Variants in DSCAM observed in about 807,000 individuals in gnomAD.
The protein encoded by DSCAM is cell adhesion molecule DSCAM.
A neutral mutation model predicts 217.7 loss-of-function variants in DSCAM; 47 were observed. That is an observed-to-expected ratio of 0.22 (90% CI 0.17 to 0.28). DSCAM has a LOEUF of 0.28. DSCAM is among the 10% of genes least tolerant of loss of function. The pLI is 1.00. For missense variants in DSCAM, 2,080 were observed against 2,618.3 expected (o/e 0.79, Z 4.49); for synonymous variants, 1,056 against 1,015.3 (o/e 1.04, Z -0.76).
At chr21:40,383,714 T>C (rs1382011089) in intron 3 of DSCAM, 1 of 152,250 alleles carries the variant, frequency 6.6e-6, no homozygotes, top group Non-Finnish European at 1.5e-5. Flanking sequence ...GACTAGAATT[T>C]AATATTATTG....
Position 40,315,403 on chromosome 21 carries a change from C to CAA in DSCAM, c.1784-3046_1784-3045dup, listed in dbSNP as rs72266206. 0.019 allele frequency among the ~76,000 whole-genome samples: 2,280 copies of CAA among 121,246 alleles called. 149 individuals carry two copies. The East Asian group carries it at 0.25, about 13-fold the overall frequency. The allele number at this position is 121,246 out of a possible 152,430, so 79.5% of individuals were successfully genotyped here. A position where few individuals can be genotyped will look rare whatever the true frequency, so the allele number is the denominator to read the frequency against. On this transcript the variant is annotated intron_variant, in intron 8 of 32. Coordinates refer to ENST00000400454, the MANE Select transcript of DSCAM (RefSeq NM_001389.5). ...TGGGAGACAGAGCGAAACTCCGTCT[C>CAA]AAAAAAAAAAAAGGAAAACATAGAG...
chr21:40,807,569 C>T (rs1000698918), intron 1 of DSCAM, among the ~76,000 whole-genome samples: 3 of 152,198 alleles, frequency 2.0e-5, no homozygotes, highest in Non-Finnish European at 2.9e-5. Flanking sequence ...GAGTGCAATA[C>T]TCCTAGTTCT....
chr21:40,630,621 T>A (rs28398808), intron 3 of DSCAM: 30,598 of 151,926 alleles, frequency 0.2, 3,744 homozygotes, highest in Middle Eastern at 0.31. Context: ...TCTAAAAAAA[T>A]AAATAAATAA....
At chr21:40,068,092 G>C (rs2089237386) in intron 27 of DSCAM, among the ~76,000 whole-genome samples, 1 of 152,020 alleles carries the variant, frequency 6.6e-6, no homozygotes, top group Admixed American at 6.6e-5. Flanking sequence ...TGTTGGGCTG[G>C]GAAATGATGG....
chr21:40,744,942 T>C (rs773454740), intron 1 of DSCAM, among the ~76,000 whole-genome samples: 16 of 152,188 alleles, frequency 1.1e-4, no homozygotes, highest in Non-Finnish European at 1.9e-4. Context: ...TTGAGAAATT[T>C]AGCAAGTAAA....
At chr21:40,620,230 GAAAGAA>G (rs1471916834) in intron 3 of DSCAM, among the ~76,000 whole-genome samples, 17 of 35,786 alleles carry the variant, frequency 4.8e-4, no homozygotes, top group African/African-American at 1.8e-3. Flanking sequence ...AAAAGAAAAA[GAAAGAA>G]AGAGAGAGAA....
intron 3 of DSCAM, among the ~76,000 whole-genome samples, chr21:40,569,132 G>T (rs184690392): frequency 6.6e-6 from 1 of 152,174 alleles, no homozygotes; most frequent in Non-Finnish European, 1.5e-5. Flanking sequence ...CTGGCCCCAG[G>T]GTGCCTTGCT....
chr21:40,381,075 A>AAAAC (rs2123728987), intron 3 of DSCAM, among the ~76,000 whole-genome samples: 1 of 146,452 alleles, frequency 6.8e-6, no homozygotes, highest in African/African-American at 2.7e-5. Context: ...AAAAAAAAAA[A>AAAAC]AAAAAAAAAG....
chr21:40,067,110 C>T (rs1472281699), intron 27 of DSCAM, among the ~76,000 whole-genome samples: 3 of 152,106 alleles, frequency 2.0e-5, no homozygotes, highest in African/African-American at 7.2e-5. Context: ...TTTACCCTAC[C>T]CTACAGTTGG....
intron 3 of DSCAM, among the ~76,000 whole-genome samples, chr21:40,433,237 T>C (rs2075552060): frequency 6.6e-6 from 1 of 150,960 alleles, no homozygotes; most frequent in Admixed American, 6.7e-5. Context: ...TAGTCCCAGC[T>C]ACGCGGGAGG....
rs2092016462 is a variant in DSCAM at position 40,832,167 on chromosome 21, T to C, written c.43+14452A>G. Reference sequence around the variant, plus strand: ...TAGTCCTCAGTCTGTCATTCAACAATTGTGTGACCATGAGCACATTGTCTA... The same window carrying C: ...TAGTCCTCAGTCTGTCATTCAACAACTGTGTGACCATGAGCACATTGTCTA... On this transcript the variant is annotated intron_variant, in intron 1 of 32. Coordinates refer to ENST00000400454, the MANE Select transcript of DSCAM (RefSeq NM_001389.5). Among the ~76,000 whole-genome samples the C allele has an allele frequency of 3.3e-5, 5 of 152,334 alleles. 1 individual carries two copies. In the South Asian group the frequency reaches 1.0e-3, roughly 32 times the overall value.
At position 40,817,969 on chromosome 21, in the gene DSCAM, G is replaced by A. The variant is rs897176274; in HGVS notation, c.43+28650C>T. ...AAATTAGCCGGGCGCGGTGGCGGGC[G>A]CCTGTAGTCCCAGCTACTCGGGAGG... On this transcript the variant is annotated intron_variant, in intron 1 of 32. Coordinates refer to ENST00000400454, the MANE Select transcript of DSCAM (RefSeq NM_001389.5). 4.6e-5 allele frequency among the ~76,000 whole-genome samples: 7 copies of A among 151,184 alleles called. No homozygotes were observed. The South Asian group carries it at 1.3e-3, about 27-fold the overall frequency.
intron 3 of DSCAM, among the ~76,000 whole-genome samples, chr21:40,370,826 T>C (rs1601593685): frequency 6.6e-6 from 1 of 152,104 alleles, no homozygotes; most frequent in Non-Finnish European, 1.5e-5. Flanking sequence ...CTCACCATGT[T>C]GCCCAGGCTG....
intron 11 of DSCAM, among the ~76,000 whole-genome samples, chr21:40,267,434 C>T (rs2073554093): frequency 6.6e-6 from 1 of 152,074 alleles, no homozygotes; most frequent in South Asian, 2.1e-4. Flanking sequence ...GTAAGCATCA[C>T]CACAAACAAG....
At chr21:40,739,280 C>T (rs553194255) in intron 1 of DSCAM, among the ~76,000 whole-genome samples, 9 of 152,070 alleles carry the variant, frequency 5.9e-5, no homozygotes, top group Non-Finnish European at 1.0e-4. Flanking sequence ...CTTGAGGAGT[C>T]GGACAGAGAA....
intron 3 of DSCAM, among the ~76,000 whole-genome samples, chr21:40,577,852 G>C (rs1286991237): frequency 6.6e-6 from 1 of 152,100 alleles, no homozygotes; most frequent in Non-Finnish European, 1.5e-5. Flanking sequence ...TCAATCAGAC[G>C]AAATCCTGGG....
intron 10 of DSCAM, among the ~76,000 whole-genome samples, chr21:40,282,364 G>A (rs940809241): frequency 6.6e-6 from 1 of 151,908 alleles, no homozygotes; most frequent in Non-Finnish European, 1.5e-5. Flanking sequence ...GAGGCGGGTG[G>A]ATCACGAGGT....
intron 3 of DSCAM, among the ~76,000 whole-genome samples, chr21:40,496,873 A>G (rs1469639871): frequency 3.9e-5 from 6 of 152,200 alleles, no homozygotes; most frequent in Non-Finnish European, 5.9e-5. Flanking sequence ...TCAAAAGGCC[A>G]ATCGATACAT....
At chr21:40,044,881 G>A (rs1266821015) in intron 30 of DSCAM, among the ~76,000 whole-genome samples, 4 of 152,152 alleles carry the variant, frequency 2.6e-5, no homozygotes, top group African/African-American at 7.2e-5. Context: ...GTTGTTATGC[G>A]TGAATCACGT....
Sources: allele counts gnomAD v4.1 joint callset (sites outside exome capture counted in the v4.1 genomes callset), GRCh38; gene constraint gnomAD v4.1.1; transcripts MANE v1.5; gene names NCBI Gene and HGNC (gene_info 2026-07-23, HGNC 2026-07-21).